Variants in NEBL observed in about 807,000 individuals in gnomAD.
The protein encoded by NEBL is nebulette, also known as LIM and SH3 protein 2.
Under a neutral mutation model 140.2 loss-of-function variants are expected in NEBL, and 122 were observed. That is an observed-to-expected ratio of 0.87 (90% CI 0.75 to 1.01). The LOEUF is 1.01. Among genes scored for constraint, NEBL ranks in the 50% least tolerant of loss-of-function variants. The pLI, the probability that NEBL is intolerant of heterozygous loss-of-function variation, is 0.00. For synonymous variants in NEBL, 436 were observed against 398.9 expected, an observed-to-expected ratio of 1.09 and a Z score of -1.11; for missense variants, 1,365 against 1,231.3, an observed-to-expected ratio of 1.11 and a Z score of -1.62.
intron 3 of NEBL, among the ~76,000 whole-genome samples, chr10:21,235,201 C>T (rs1842331757): frequency 6.6e-6 from 1 of 152,016 alleles, no homozygotes; most frequent in African/African-American, 2.4e-5. Flanking sequence ...GAAGCTGAAG[C>T]GGGAGGATCA....
chr10:21,249,627 A>G (rs908768711), intron 2 of NEBL, among the ~76,000 whole-genome samples: 3 of 150,100 alleles, frequency 2.0e-5, no homozygotes, highest in African/African-American at 7.3e-5. Flanking sequence ...TATCTATTTT[A>G]TTTACTTTTA....
At chr10:20,858,416 T>G (rs1843313928) in intron 8 of NEBL, 72 bp from the exon 9 acceptor site, 1 of 1,246,054 alleles carries the variant, frequency 8.0e-7, no homozygotes, top group African/African-American at 1.5e-5. Context: ...ATTGCATTTT[T>G]CATACATCAT....
upstream of NEBL, among the ~76,000 whole-genome samples, chr10:21,179,497 C>A (rs1214030475): frequency 6.6e-6 from 1 of 151,906 alleles, no homozygotes. Flanking sequence ...GCCCCTCACG[C>A]TCCATCATCC....
chr10:21,061,026 G>C (rs982580955), intron 2 of NEBL, among the ~76,000 whole-genome samples: 5 of 151,768 alleles, frequency 3.3e-5, no homozygotes, highest in Admixed American at 3.3e-4. Context: ...CTGGAAACGT[G>C]ACCTTATTTG....
chr10:21,174,029 C>T, exon 1 of NEBL: 1 of 1,143,304 alleles, frequency 8.7e-7, no homozygotes, highest in Non-Finnish European at 1.1e-6. Flanking sequence ...GGGCCGGCCG[C>T]GCTCTCGGGC....
At chr10:20,969,881 T>C (rs1424267574) in intron 3 of NEBL, among the ~76,000 whole-genome samples, 1 of 152,092 alleles carries the variant, frequency 6.6e-6, no homozygotes, top group Admixed American at 6.6e-5. Context: ...TCAGTTAAGA[T>C]AATTAAAAAT....
At position 20,815,634 on chromosome 10, in the gene NEBL, A is replaced by G. The variant is rs1588672485; in HGVS notation, c.2232T>C (p.Asn744=). Reference sequence around the variant, plus strand: ...GAAGAAAACCACTTGCCGAGCTAATATTTTCTTGATTCTTCTTCACTCTTT... The same window carrying G: ...GAAGAAAACCACTTGCCGAGCTAATGTTTTCTTGATTCTTCTTCACTCTTT... The part of the protein sequence containing the change: ...EMERVKKNQE[N]ISSVKYTQDH... The change falls in exon 22 of 28, where the codon AAT becomes AAC. Residue 744 remains asparagine (N), a synonymous_variant. Transcript: ENST00000377122. The G allele has an allele frequency of 3.1e-6, 5 of 1,607,572 alleles. No homozygotes were observed. Among genetic ancestry groups the G allele is most frequent in the African/African-American group, 1.3e-5 (1 of 74,736 alleles).
intron 11 of NEBL, among the ~76,000 whole-genome samples, chr10:20,847,816 C>G (rs1181356694): frequency 6.6e-6 from 1 of 152,146 alleles, no homozygotes; most frequent in Non-Finnish European, 1.5e-5. Flanking sequence ...TGTCTCTAAT[C>G]CTAACGTAAC....
intron 3 of NEBL, among the ~76,000 whole-genome samples, chr10:21,220,157 C>T (rs544171534): frequency 1.3e-5 from 2 of 152,160 alleles, no homozygotes; most frequent in African/African-American, 4.8e-5. Context: ...AAGTGATCCG[C>T]CCATCTTGGC....
chr10:20,966,240 T>C (rs560948258), intron 3 of NEBL, among the ~76,000 whole-genome samples: 11 of 152,352 alleles, frequency 7.2e-5, no homozygotes, highest in African/African-American at 2.6e-4. Context: ...CACAGAAACA[T>C]GATATGCATG....
intron 1 of NEBL, among the ~76,000 whole-genome samples, chr10:21,269,750 T>A (rs1842839368): frequency 6.6e-6 from 1 of 152,220 alleles, no homozygotes; most frequent in Non-Finnish European, 1.5e-5. Flanking sequence ...TATATTTGCA[T>A]ATATAGTGAG....
intron 2 of NEBL, among the ~76,000 whole-genome samples, chr10:21,095,620 C>G (rs1246536282): frequency 5.3e-5 from 8 of 152,274 alleles, no homozygotes; most frequent in South Asian, 4.1e-4. Flanking sequence ...TGGCAATTTT[C>G]TATTAAATCT....
At chr10:21,095,719 C>T (rs1419295353) in intron 2 of NEBL, among the ~76,000 whole-genome samples, 1 of 152,168 alleles carries the variant, frequency 6.6e-6, no homozygotes, top group Non-Finnish European at 1.5e-5. Flanking sequence ...GCATCTGTCT[C>T]CTAGTCACTG....
chr10:21,108,232 T>C (rs748861985), intron 2 of NEBL, among the ~76,000 whole-genome samples: 14 of 152,212 alleles, frequency 9.2e-5, no homozygotes, highest in Non-Finnish European at 1.5e-4. Flanking sequence ...CTTGCTTCTC[T>C]AGTTATTTTA....
intron 1 of NEBL, among the ~76,000 whole-genome samples, chr10:21,288,344 T>C (rs1843089199): frequency 6.6e-6 from 1 of 152,056 alleles, no homozygotes; most frequent in Admixed American, 6.6e-5. Flanking sequence ...GCCAGGCATC[T>C]GTAGTCCCAG....
intron 2 of NEBL, among the ~76,000 whole-genome samples, chr10:21,047,440 A>G (rs1284314243): frequency 1.3e-5 from 2 of 152,204 alleles, no homozygotes; most frequent in Non-Finnish European, 2.9e-5. Flanking sequence ...AGTTATTTCT[A>G]TAGAAGAATC....
intron 3 of NEBL, among the ~76,000 whole-genome samples, chr10:20,979,145 C>T (rs528608217): frequency 3.3e-5 from 5 of 152,040 alleles, no homozygotes; most frequent in Admixed American, 6.6e-5. Context: ...GGACTGGGCA[C>T]GGTGGCTCAC....
chr10:21,092,948 G>T (rs957091961), intron 2 of NEBL, among the ~76,000 whole-genome samples: 1 of 152,038 alleles, frequency 6.6e-6, no homozygotes, highest in Non-Finnish European at 1.5e-5. Flanking sequence ...TCAGTAGCTA[G>T]CCCATATGGA....
At chr10:21,168,686 G>A (rs1840905944) in intron 2 of NEBL, among the ~76,000 whole-genome samples, 1 of 152,090 alleles carries the variant, frequency 6.6e-6, no homozygotes, top group South Asian at 2.1e-4. Context: ...CTTAGTGCAT[G>A]CATGACGTAG....
Sources: allele counts gnomAD v4.1 joint callset (sites outside exome capture counted in the v4.1 genomes callset), GRCh38; gene constraint gnomAD v4.1.1; transcripts MANE v1.5; gene names NCBI Gene and HGNC (gene_info 2026-07-23, HGNC 2026-07-21).